Variants in CNTNAP2 observed in about 807,000 individuals in gnomAD.
The protein encoded by CNTNAP2 is contactin associated protein 2, also known as contactin-associated protein-like 2.
Under a neutral mutation model 155.2 loss-of-function variants are expected in CNTNAP2, and 98 were observed. That is an observed-to-expected ratio of 0.63 (90% CI 0.54 to 0.75). The LOEUF (loss-of-function observed/expected upper bound fraction) is 0.75. CNTNAP2 is among the 30% of genes least tolerant of loss of function. The probability of loss-of-function intolerance (pLI) is 0.00; values close to 1 mark genes in which losing one functional copy is unlikely to be tolerated. For missense variants in CNTNAP2, 1,727 were observed against 1,688.1 expected (o/e 1.02, Z -0.40); for synonymous variants, 651 against 631.2 (o/e 1.03, Z -0.47).
chr7:146,155,956 G>A (rs762893980), intron 1 of CNTNAP2, among the ~76,000 whole-genome samples: 77 of 151,862 alleles, frequency 5.1e-4, no homozygotes, highest in Middle Eastern at 3.4e-3. Flanking sequence ...CTCCCACCTC[G>A]GCCTCCCAAA....
intron 1 of CNTNAP2, among the ~76,000 whole-genome samples, chr7:146,169,190 A>G (rs1798354631): frequency 1.3e-5 from 2 of 152,164 alleles, no homozygotes; most frequent in African/African-American, 4.8e-5. Context: ...TTTCTTTTCC[A>G]GATAGAATTC....
At chr7:147,223,953 AAAAG>A (rs1272823856) in intron 8 of CNTNAP2, among the ~76,000 whole-genome samples, 12 of 151,564 alleles carry the variant, frequency 7.9e-5, no homozygotes, top group South Asian at 6.2e-4. Context: ...AAAAAAAAAA[AAAAG>A]AAAGAAAGAA....
chr7:147,154,512 CTGAT>C (rs1394643690), intron 8 of CNTNAP2, among the ~76,000 whole-genome samples: 1 of 152,116 alleles, frequency 6.6e-6, no homozygotes, highest in African/African-American at 2.4e-5. Flanking sequence ...ATTGTAGACA[CTGAT>C]AGATAATACT....
chr7:147,459,007 T>C (rs1045075424), intron 10 of CNTNAP2, among the ~76,000 whole-genome samples: 2 of 152,198 alleles, frequency 1.3e-5, no homozygotes, highest in Admixed American at 1.3e-4. Context: ...TATATTATGG[T>C]TTATTATCTC....
chr7:147,761,761 T>C (rs1797301852), intron 13 of CNTNAP2, among the ~76,000 whole-genome samples: 1 of 152,292 alleles, frequency 6.6e-6, no homozygotes, highest in South Asian at 2.1e-4. Context: ...GAAGATCTTT[T>C]AATTAATCCA....
intron 8 of CNTNAP2, among the ~76,000 whole-genome samples, chr7:147,207,129 T>C (rs1408289904): frequency 6.6e-6 from 1 of 152,206 alleles, no homozygotes; most frequent in Non-Finnish European, 1.5e-5. Flanking sequence ...CAGAATTTAA[T>C]GTGAAAAACT....
chr7:147,565,200 T>G (rs1800146323), intron 12 of CNTNAP2, among the ~76,000 whole-genome samples: 1 of 152,076 alleles, frequency 6.6e-6, no homozygotes, highest in South Asian at 2.1e-4. Flanking sequence ...ATGAGCCATA[T>G]AAATCAATCC....
chr7:146,630,098 G>A (rs990271297), intron 1 of CNTNAP2, among the ~76,000 whole-genome samples: 6 of 151,734 alleles, frequency 4.0e-5, no homozygotes, highest in Non-Finnish European at 5.9e-5. Flanking sequence ...AGCCCTGTGT[G>A]CATTAGGTAT....
intron 15 of CNTNAP2, among the ~76,000 whole-genome samples, chr7:148,089,153 C>G (rs1265772272): frequency 6.6e-6 from 1 of 151,888 alleles, no homozygotes; most frequent in African/African-American, 2.4e-5. Context: ...ATAAATGTAT[C>G]TCAACACAAT....
chr7:146,963,132 T>C (rs527466696), intron 3 of CNTNAP2: 1 of 152,348 alleles, frequency 6.6e-6, no homozygotes, highest in East Asian at 1.9e-4. Context: ...AAATTCATTA[T>C]AAAGAGTTTG....
At chr7:147,348,908 C>A (rs545714743) in intron 9 of CNTNAP2, among the ~76,000 whole-genome samples, 19 of 152,050 alleles carry the variant, frequency 1.2e-4, no homozygotes, top group African/African-American at 4.6e-4. Context: ...ACCACATGTT[C>A]TCACTCATAA....
chr7:147,498,291 T>G (rs998478169), intron 11 of CNTNAP2, among the ~76,000 whole-genome samples: 38 of 152,012 alleles, frequency 2.5e-4, no homozygotes, highest in African/African-American at 7.5e-4. Context: ...AGCCCAGTGA[T>G]GGATGATGAA....
At chr7:147,167,996 T>G (rs991043604) in intron 8 of CNTNAP2, among the ~76,000 whole-genome samples, 1 of 149,288 alleles carries the variant, frequency 6.7e-6, no homozygotes, top group African/African-American at 2.4e-5. Context: ...ATGTATAAAT[T>G]TACATGCATA....
intron 1 of CNTNAP2, among the ~76,000 whole-genome samples, chr7:146,324,917 A>C (rs1293278196): frequency 6.6e-6 from 1 of 152,174 alleles, no homozygotes; most frequent in East Asian, 1.9e-4. Flanking sequence ...TTACTTAATA[A>C]AACAAAATAG....
chr7:146,319,902 G>C (rs1179412373), intron 1 of CNTNAP2, among the ~76,000 whole-genome samples: 2 of 152,078 alleles, frequency 1.3e-5, no homozygotes, highest in African/African-American at 4.8e-5. Context: ...CATGAAGGGA[G>C]GAAAAGGCGA....
intron 21 of CNTNAP2, among the ~76,000 whole-genome samples, chr7:148,292,206 T>C (rs886597454): frequency 6.6e-6 from 1 of 152,178 alleles, no homozygotes; most frequent in African/African-American, 2.4e-5. Context: ...AAGGAAGATT[T>C]TTCTCTCTTC....
intron 9 of CNTNAP2, among the ~76,000 whole-genome samples, chr7:147,374,299 G>A (rs1796398423): frequency 6.6e-6 from 1 of 151,928 alleles, no homozygotes; most frequent in Non-Finnish European, 1.5e-5. Flanking sequence ...ATAGCTAAAT[G>A]TCTACTTTTC....
chr7:147,336,501 T>C (rs1795667197), intron 9 of CNTNAP2, among the ~76,000 whole-genome samples: 1 of 152,166 alleles, frequency 6.6e-6, no homozygotes, highest in African/African-American at 2.4e-5. Context: ...TTTATTGAAG[T>C]CTCTCACTCT....
chr7:146,472,025 C>A (rs981615188), intron 1 of CNTNAP2, among the ~76,000 whole-genome samples: 3 of 152,164 alleles, frequency 2.0e-5, no homozygotes, highest in African/African-American at 7.2e-5. Flanking sequence ...TAAAAGCTCT[C>A]ATGGGCATCC....
Sources: allele counts gnomAD v4.1 joint callset (sites outside exome capture counted in the v4.1 genomes callset), GRCh38; gene constraint gnomAD v4.1.1; transcripts MANE v1.5; gene names NCBI Gene and HGNC (gene_info 2026-07-23, HGNC 2026-07-21).